The following RPS6KA2 variants were observed in gnomAD, a reference collection of about 807,000 sequenced individuals.
RPS6KA2 encodes the protein ribosomal protein S6 kinase A2, also known as ribosomal protein S6 kinase alpha-2.
Under a neutral mutation model 91.8 loss-of-function variants are expected in RPS6KA2, and 42 were observed. The ratio of observed to expected loss-of-function variants is 0.46; its 90% CI spans 0.36 to 0.59. RPS6KA2 has a LOEUF of 0.59. RPS6KA2 is among the 20% of genes least tolerant of loss of function. The pLI is 0.00. For synonymous variants in RPS6KA2, 414 were observed against 393.6 expected (o/e 1.05, Z -0.61); for missense variants, 798 against 978.5 (o/e 0.82, Z 2.46).
At chr6:166,820,801 C>T (rs539042227) in intron 2 of RPS6KA2, among the ~76,000 whole-genome samples, 20 of 152,230 alleles carry the variant, frequency 1.3e-4, no homozygotes, top group African/African-American at 4.6e-4. Flanking sequence ...CAGTAAATTG[C>T]CTCCTTAACA....
intron 2 of RPS6KA2, among the ~76,000 whole-genome samples, chr6:166,782,270 C>T (rs1778791606): frequency 6.8e-6 from 1 of 146,256 alleles, no homozygotes; most frequent in African/African-American, 2.7e-5. Context: ...CCAGCCTGAG[C>T]AACAGAGCAA....
chr6:166,560,545 C>T (rs1210614427), intron 1 of RPS6KA2, among the ~76,000 whole-genome samples: 1 of 152,122 alleles, frequency 6.6e-6, no homozygotes, highest in Non-Finnish European at 1.5e-5. Context: ...CAGAGGAGAC[C>T]AGGGTCTTAA....
intron 3 of RPS6KA2, among the ~76,000 whole-genome samples, chr6:166,513,823 A>T (rs867241392): frequency 1.3e-5 from 2 of 152,150 alleles, no homozygotes; most frequent in Non-Finnish European, 2.9e-5. Context: ...AAAGAATACA[A>T]TTTTGTACCC....
intron 2 of RPS6KA2, among the ~76,000 whole-genome samples, chr6:166,755,468 G>GTTTATTTA (rs3831151): frequency 6.6e-6 from 1 of 151,886 alleles, no homozygotes; most frequent in East Asian, 1.9e-4. Context: ...CACAACTGGG[G>GTTTATTTA]TTTATTTATT....
chr6:166,795,833 T>C (rs558068848), intron 2 of RPS6KA2, among the ~76,000 whole-genome samples: 1 of 152,266 alleles, frequency 6.6e-6, no homozygotes, highest in African/African-American at 2.4e-5. Flanking sequence ...GGACTGCAGA[T>C]GGGAGCAGAA....
chr6:166,541,997 C>T (rs1783673085), intron 1 of RPS6KA2, among the ~76,000 whole-genome samples: 1 of 152,240 alleles, frequency 6.6e-6, no homozygotes, highest in Non-Finnish European at 1.5e-5. Context: ...ACCTTTCAGA[C>T]TTCAGAGTTC....
Position 166,746,399 on chromosome 6 carries a change from G to A in RPS6KA2, c.123+111801C>T, listed in dbSNP as rs1372579618. Among the ~76,000 whole-genome samples, 5 of 152,234 alleles carry A rather than the reference G, an allele frequency of 3.3e-5. No homozygotes were observed. In the South Asian group the frequency reaches 8.3e-4, roughly 25 times the overall value. On this transcript the variant is annotated intron_variant, in intron 2 of 21. Coordinates refer to the RPS6KA2 transcript ENST00000503859. Reference sequence around the variant, plus strand: ...CCCAACACTCTGACACCATATGTTGGAGACCTATCAAAGTGTTTATCCTAC... The same window carrying A: ...CCCAACACTCTGACACCATATGTTGAAGACCTATCAAAGTGTTTATCCTAC...
At chr6:166,443,917 C>T (rs530503674) in intron 14 of RPS6KA2, among the ~76,000 whole-genome samples, 1 of 152,192 alleles carries the variant, frequency 6.6e-6, no homozygotes, top group African/African-American at 2.4e-5. Context: ...TGTAACAAAT[C>T]TCTAAAAAAT....
chr6:166,640,727 G>A (rs531082157), intron 2 of RPS6KA2, among the ~76,000 whole-genome samples: 1 of 152,102 alleles, frequency 6.6e-6, no homozygotes, highest in Non-Finnish European at 1.5e-5. Flanking sequence ...TTGTGAGGTC[G>A]AGCACTGTTC....
At chr6:166,548,745 T>C (rs1783905470) in intron 1 of RPS6KA2, among the ~76,000 whole-genome samples, 1 of 152,034 alleles carries the variant, frequency 6.6e-6, no homozygotes, top group Admixed American at 6.5e-5. Context: ...GAAGAAAACA[T>C]AGGGGAAAAT....
At chr6:166,541,895 T>C (rs1783668376) in intron 1 of RPS6KA2, among the ~76,000 whole-genome samples, 1 of 152,158 alleles carries the variant, frequency 6.6e-6, no homozygotes, top group Non-Finnish European at 1.5e-5. Context: ...CCTAATAATA[T>C]TGCGATAGAG....
chr6:166,551,854 A>G (rs1309352476), intron 1 of RPS6KA2, among the ~76,000 whole-genome samples: 3 of 152,250 alleles, frequency 2.0e-5, no homozygotes, highest in Non-Finnish European at 4.4e-5. Context: ...AAATGCAAAC[A>G]TGCGGTAGGC....
At chr6:166,750,815 T>A (rs1026062886) in intron 2 of RPS6KA2, among the ~76,000 whole-genome samples, 1 of 152,172 alleles carries the variant, frequency 6.6e-6, no homozygotes, top group Non-Finnish European at 1.5e-5. Flanking sequence ...TCTAAAGCAA[T>A]GGAAATGGGA....
upstream of RPS6KA2, among the ~76,000 whole-genome samples, chr6:166,628,997 T>C (rs897181955): frequency 3.3e-5 from 5 of 152,184 alleles, no homozygotes; most frequent in Non-Finnish European, 7.4e-5. Flanking sequence ...CCTGCTTCCT[T>C]TAAGGTTCTG....
At chr6:166,696,769 C>G (rs951372706) in intron 2 of RPS6KA2, among the ~76,000 whole-genome samples, 2 of 152,198 alleles carry the variant, frequency 1.3e-5, no homozygotes, top group Admixed American at 6.5e-5. Context: ...CCAACTCCCC[C>G]ACAAGTGAGA....
At chr6:166,430,129 T>A (rs1779069228) in intron 16 of RPS6KA2, among the ~76,000 whole-genome samples, 1 of 151,200 alleles carries the variant, frequency 6.6e-6, no homozygotes, top group African/African-American at 2.5e-5. Flanking sequence ...AGCTAATTTT[T>A]TTTTTGTTGT....
At chr6:166,647,253 G>T (rs1464534590) in intron 2 of RPS6KA2, among the ~76,000 whole-genome samples, 2 of 151,672 alleles carry the variant, frequency 1.3e-5, no homozygotes, top group Non-Finnish European at 2.9e-5. Context: ...CCCCTTTCAC[G>T]GCCCTCCCAA....
At chr6:166,467,392 A>G (rs1780581577) in intron 11 of RPS6KA2, among the ~76,000 whole-genome samples, 1 of 152,236 alleles carries the variant, frequency 6.6e-6, no homozygotes. Context: ...AATAATATAC[A>G]TCAGAAACAC....
rs778197293 is a variant in RPS6KA2, at chr6:166,430,545, G to A, written c.1489C>T (p.Arg497Cys). 21 of 1,613,816 alleles carry A rather than the reference G, an allele frequency of 1.3e-5. No homozygotes were observed. Among genetic ancestry groups the A allele is most frequent in the Middle Eastern group, 1.6e-4 (1 of 6,084 alleles). The change falls in exon 16 of 21, where the codon CGC (arginine) becomes TGC (cysteine). Residue 497 changes from arginine to cysteine, a missense_variant. Physicochemically the swap from Arg to Cys is radical, Grantham distance 180. Transcript: ENST00000265678. ...GAGAAGTATCTCTGCCGGAGGATGC[G>A]GTCCAGGAGCTCCCCACCACGCATC... is the stretch of plus-strand genomic sequence containing the variant. ...ELMRGGELLDRILRQRYFSER... is the reference protein window; with the variant it reads ...ELMRGGELLDCILRQRYFSER...
Sources: gnomAD v4.1 joint callset for allele counts (sites outside exome capture counted in the v4.1 genomes callset) on GRCh38, gnomAD v4.1.1 for gene constraint, MANE v1.5 for transcripts, NCBI Gene and HGNC (gene_info 2026-07-23, HGNC 2026-07-21) for gene names.